Variants in SCAP observed in about 807,000 individuals in gnomAD.
The protein encoded by SCAP is sterol regulatory element-binding protein cleavage-activating protein.
SCAP carries 65 observed loss-of-function variants against 123.6 expected under a neutral mutation model. The observed-to-expected ratio is 0.53, with a 90% CI of 0.43 to 0.65. SCAP has a LOEUF of 0.65. Ranked by LOEUF, SCAP falls within the 30% of genes least tolerant of loss-of-function variation. The pLI is 0.00. For missense variants in SCAP, 1,398 were observed against 1,712.5 expected (o/e 0.82, Z 3.24); for synonymous variants, 740 against 726.3 (o/e 1.02, Z -0.30).
chr3:47,475,331 A>C (rs1369423756), intron 1 of SCAP: 1 of 152,312 alleles, frequency 6.6e-6, no homozygotes, highest in African/African-American at 2.4e-5. Flanking sequence ...TTGAGGTTTA[A>C]GCAATACGGA....
At chr3:47,443,607 A>C (rs1706910449) in intron 1 of SCAP, among the ~76,000 whole-genome samples, 1 of 152,178 alleles carries the variant, frequency 6.6e-6, no homozygotes, top group Admixed American at 6.5e-5. Context: ...GTCAGCCCTC[A>C]ACATAAAAAC....
chr3:47,464,951 T>C (rs569152411), intron 1 of SCAP, among the ~76,000 whole-genome samples: 6 of 152,236 alleles, frequency 3.9e-5, no homozygotes, highest in African/African-American at 1.4e-4. Flanking sequence ...CAAAAATCAG[T>C]TGCATTTCTA....
chr3:47,414,804 C>T, intron 20 of SCAP, 23 bp downstream of exon 20: 1 of 1,598,932 alleles, frequency 6.3e-7, no homozygotes, highest in South Asian at 1.1e-5. Context: ...ACTCCAGCAC[C>T]CAAGAGACAA....
intron 8 of SCAP, 166 bp downstream of exon 8, chr3:47,425,319 C>T (rs1235523171): frequency 4.1e-6 from 3 of 737,802 alleles, no homozygotes; most frequent in African/African-American, 1.8e-5. Flanking sequence ...AGTATGAATA[C>T]AAGCCAGACA....
chr3:47,461,488 C>A (rs1707638601), intron 1 of SCAP, among the ~76,000 whole-genome samples: 1 of 152,146 alleles, frequency 6.6e-6, no homozygotes, highest in Non-Finnish European at 1.5e-5. Flanking sequence ...TGCTTGCCTT[C>A]CAGACATTTA....
intron 1 of SCAP, among the ~76,000 whole-genome samples, chr3:47,469,504 C>T (rs1419616480): frequency 3.9e-5 from 6 of 152,140 alleles, no homozygotes; most frequent in South Asian, 2.1e-4. Context: ...ATTACAGGTG[C>T]GTGCCACCAT....
At chr3:47,416,721 G>A (rs912741718) in intron 18 of SCAP, among the ~76,000 whole-genome samples, 3 of 144,556 alleles carry the variant, frequency 2.1e-5, no homozygotes, top group African/African-American at 7.7e-5. Context: ...CCGCCTCCCG[G>A]GTTCACGCCA....
chr3:47,443,553 C>T (rs1230556480), intron 1 of SCAP, among the ~76,000 whole-genome samples: 1 of 152,166 alleles, frequency 6.6e-6, no homozygotes. Context: ...TCAAAACACA[C>T]TGTTGTACAA....
chr3:47,418,091 G>A (rs764503183), intron 16 of SCAP, 43 bp downstream of exon 16: 2 of 1,457,184 alleles, frequency 1.4e-6, no homozygotes, highest in Non-Finnish European at 1.9e-6. Flanking sequence ...TGGGGTGAGG[G>A]GGGTTGTGGG....
chr3:47,425,200 A>G, intron 8 of SCAP: 1 of 382,020 alleles, frequency 2.6e-6, no homozygotes. Flanking sequence ...ATACTCATGT[A>G]TACACAAACA....
At chr3:47,434,537 A>G (rs1443293173) in intron 3 of SCAP, among the ~76,000 whole-genome samples, 1 of 152,198 alleles carries the variant, frequency 6.6e-6, no homozygotes, top group Non-Finnish European at 1.5e-5. Context: ...GGAGACCTAG[A>G]GTTCCAAACT....
intron 1 of SCAP, among the ~76,000 whole-genome samples, chr3:47,447,668 A>C (rs1553647711): frequency 6.6e-6 from 1 of 151,482 alleles, no homozygotes; most frequent in Non-Finnish European, 1.5e-5. Flanking sequence ...CAGCCTGGGC[A>C]ATACAGCGAG....
At chr3:47,457,293 A>G (rs1037906280) in intron 1 of SCAP, among the ~76,000 whole-genome samples, 2 of 152,170 alleles carry the variant, frequency 1.3e-5, no homozygotes, top group African/African-American at 4.8e-5. Flanking sequence ...TCTACATTGA[A>G]AAGCTGAAAT....
chr3:47,463,037 C>G (rs1477691014), intron 1 of SCAP, among the ~76,000 whole-genome samples: 1 of 152,138 alleles, frequency 6.6e-6, no homozygotes, highest in Non-Finnish European at 1.5e-5. Context: ...ACTATTTCCA[C>G]TTGGTATCTC....
rs775457226 is a variant in SCAP at position 47,451,703 on chromosome 3, T to A, written c.-98-8612A>T. Reference sequence around the variant, plus strand: ...CTGAGCCACCCACCATGCCTGGCCCTCATAGACCCCTTCCTACCTATCCCT... The same window carrying A: ...CTGAGCCACCCACCATGCCTGGCCCACATAGACCCCTTCCTACCTATCCCT... On this transcript the variant is annotated intron_variant, in intron 1 of 22. Coordinates refer to ENST00000265565, the MANE Select transcript of SCAP (RefSeq NM_012235.4). Among the ~76,000 whole-genome samples the A allele has an allele frequency of 2.4e-5, 3 of 123,720 alleles. 1 individual carries two copies. Among genetic ancestry groups the A allele is most frequent in the Non-Finnish European group, 5.4e-5 (3 of 56,054 alleles). 81.2% of individuals were successfully genotyped at this position (123,720 alleles called of 152,430 possible). A position where few individuals can be genotyped will look rare whatever the true frequency, so the allele number is the denominator to read the frequency against.
At chr3:47,426,450 A>AT (rs1186707374) in intron 6 of SCAP, among the ~76,000 whole-genome samples, 1 of 151,148 alleles carries the variant, frequency 6.6e-6, no homozygotes, top group Non-Finnish European at 1.5e-5. Context: ...TTTATTTTTT[A>AT]TTTTTTGAGA....
chr3:47,416,596 G>A (rs983820933), intron 18 of SCAP, among the ~76,000 whole-genome samples: 4 of 140,520 alleles, frequency 2.8e-5, no homozygotes, highest in African/African-American at 1.1e-4. Context: ...CCTATTCCAA[G>A]CACGTCACAC....
Position 47,417,207 on chromosome 3 carries a change from CCTACG to C in SCAP, c.2971-5_2971-1del. 1 of 1,612,974 alleles carries C rather than the reference CCTACG, an allele frequency of 6.2e-7. No homozygotes were observed. The highest frequency in any genetic ancestry group is 8.5e-7 in the Non-Finnish European group (1 of 1,180,006). On this transcript the variant is annotated splice_acceptor_variant and splice_polypyrimidine_tract_variant and intron_variant, in intron 17 of 22. Transcript: ENST00000265565. LOFTEE classifies it high-confidence loss of function. ...AGCACCCCTTCAATGGCGTCCCACA[CCTACG>C]AGTCCAGAGGCTGTGAGCACCTGCC...
Position 47,420,676 on chromosome 3 carries a change from T to C in SCAP, c.1441A>G (p.Arg481Gly). ...GTGATGGTGTGGGGTGTGGACGGCCTCACAGCCAGCTGCCGCTCGTAGCGC... is the reference window on the plus strand; with the variant it reads ...GTGATGGTGTGGGGTGTGGACGGCCCCACAGCCAGCTGCCGCTCGTAGCGC... ...PTRYERQLAV[R>G]PSTPHTITLQ... Residue 481 changes from arginine to glycine, a missense_variant, in exon 12 of 23, where the codon AGG becomes GGG. Around this residue, in one of 7 missense-constraint regions of SCAP, gnomAD observed 828 missense variants for 882.5 expected, o/e 0.94. Coordinates refer to ENST00000265565, the MANE Select transcript of SCAP (RefSeq NM_012235.4). The surrounding 1 kb of genome is among the most constrained non-coding windows in gnomAD (Gnocchi z 5.0). 1 of 1,611,656 alleles carries C rather than the reference T, an allele frequency of 6.2e-7. No homozygotes were observed. Among genetic ancestry groups the C allele is most frequent in the Non-Finnish European group, 8.5e-7 (1 of 1,179,922 alleles).
Sources: allele counts gnomAD v4.1 joint callset (sites outside exome capture counted in the v4.1 genomes callset), GRCh38; gene constraint gnomAD v4.1.1; regional missense constraint gnomAD v4.1.1; non-coding constraint Gnocchi (gnomAD v3.1); transcripts MANE v1.5; gene names NCBI Gene and HGNC (gene_info 2026-07-23, HGNC 2026-07-21).